Variants in CLDN16 observed in about 807,000 individuals in gnomAD.
CLDN16 encodes the protein claudin 16.
CLDN16 carries 13 observed loss-of-function variants against 24.6 expected under a neutral mutation model. The observed-to-expected ratio is 0.53, with a 90% CI of 0.34 to 0.84. The LOEUF (loss-of-function observed/expected upper bound fraction) is 0.84. Among genes scored for constraint, CLDN16 ranks in the 40% least tolerant of loss-of-function variants. CLDN16 has a pLI of 0.01. For synonymous variants in CLDN16, 116 were observed against 106.7 expected (o/e 1.09, Z -0.54); for missense variants, 298 against 292.7 (o/e 1.02, Z -0.13).
At chr3:190,388,156 T>C (rs755820991), upstream of CLDN16, 1 of 1,614,030 alleles carries the variant, frequency 6.2e-7, no homozygotes, top group Non-Finnish European at 8.5e-7. Context: ...TACAGCCTGT[T>C]TGTATTATTC....
chr3:190,305,403 G>A, the CLDN16 span, among the ~76,000 whole-genome samples: 1 of 152,154 alleles, frequency 6.6e-6, no homozygotes, highest in Non-Finnish European at 1.5e-5. Flanking sequence ...TTTGCACAGT[G>A]CTTTATAGTT....
At position 190,410,194 on chromosome 3, in the gene CLDN16, T is replaced by A. The variant is rs1453400955; in HGVS notation, c.*158T>A. On this transcript the variant is annotated 3_prime_UTR_variant, in exon 5 of 5. Transcript: ENST00000264734. ...ATGTTTGATTCTCCTATACTTTTTC[T>A]TTCTATTACTCTTATATTTTCCCGT... is the stretch of plus-strand genomic sequence containing the variant. 4.9e-6 allele frequency: 4 copies of A among 821,730 alleles called. No homozygotes were observed. The highest frequency in any genetic ancestry group is 8.0e-6 in the Non-Finnish European group (4 of 501,712). 50.9% of individuals were successfully genotyped at this position (821,730 alleles called of 1,614,324 possible).
chr3:190,331,142 A>G (rs1444406715), intron 1 of CLDN16, among the ~76,000 whole-genome samples: 4 of 152,224 alleles, frequency 2.6e-5, no homozygotes, highest in Non-Finnish European at 5.9e-5. Flanking sequence ...GGGTCAATAG[A>G]TGAGCATGAT....
intron 1 of CLDN16, among the ~76,000 whole-genome samples, chr3:190,356,431 T>G (rs994195279): frequency 7.2e-5 from 11 of 151,846 alleles, no homozygotes; most frequent in African/African-American, 2.7e-4. Context: ...AATCTGTAGA[T>G]TTTCAGACTA....
At chr3:190,291,241 C>T in the CLDN16 span, among the ~76,000 whole-genome samples, 5 of 152,152 alleles carry the variant, frequency 3.3e-5, no homozygotes, top group African/African-American at 2.4e-5. Context: ...ATCAGAGAAA[C>T]AAAAGGCCAT....
chr3:190,320,251 C>G (rs2108615269), upstream of CLDN16, among the ~76,000 whole-genome samples: 1 of 152,202 alleles, frequency 6.6e-6, no homozygotes, highest in East Asian at 1.9e-4. Context: ...TAAAAGAAAA[C>G]CTATTTAAAG....
At position 190,343,742 on chromosome 3, in the gene CLDN16, T is replaced by A. The variant is rs1717488328; in HGVS notation, n.121+21081T>A. Among the ~76,000 whole-genome samples, 4 of 151,916 alleles carry A rather than the reference T, an allele frequency of 2.6e-5. No homozygotes were observed. In the South Asian group the frequency reaches 8.3e-4, roughly 32 times the overall value. ...CACATGACTTCACTTATATATGGAA[T>A]CTTAAAAAAATGGCAGGGGAGTCAA... On this transcript the variant is annotated intron_variant and non_coding_transcript_variant, in intron 1 of 4. Coordinates refer to the CLDN16 transcript ENST00000468220.
At chr3:190,301,309 A>G in the CLDN16 span, among the ~76,000 whole-genome samples, 1 of 152,136 alleles carries the variant, frequency 6.6e-6, no homozygotes. Context: ...AGCCTGGCCA[A>G]CATGGTGAAT....
intron 1 of CLDN16, among the ~76,000 whole-genome samples, chr3:190,348,829 C>G (rs4687134): frequency 0.3 from 44,814 of 151,844 alleles, 7,178 homozygotes; most frequent in East Asian, 0.61. Flanking sequence ...CCTCCACCCT[C>G]CAAAAGACCC....
At chr3:190,308,027 T>C in the CLDN16 span, 7 of 436,646 alleles carry the variant, frequency 1.6e-5, no homozygotes, top group African/African-American at 1.4e-4. Flanking sequence ...TTGAGTATGA[T>C]TACTCAATGG....
At chr3:190,332,785 T>G (rs887263143) in intron 1 of CLDN16, among the ~76,000 whole-genome samples, 7 of 151,908 alleles carry the variant, frequency 4.6e-5, no homozygotes, top group African/African-American at 9.7e-5. Flanking sequence ...TTTTTTTTTT[T>G]TTGTTACAAG....
chr3:190,328,357 C>G (rs1228174312), intron 1 of CLDN16, among the ~76,000 whole-genome samples: 2 of 152,130 alleles, frequency 1.3e-5, no homozygotes, highest in Admixed American at 1.3e-4. Flanking sequence ...ACTACTTTCT[C>G]TCTCCATTAG....
chr3:190,354,206 G>A lies in CLDN16; in HGVS notation n.122-16687G>A, dbSNP rs987100266. Among the ~76,000 whole-genome samples, 3 of 151,756 alleles carry A rather than the reference G, an allele frequency of 2.0e-5. No homozygotes were observed. In the South Asian group the frequency reaches 6.2e-4, roughly 31 times the overall value. ...AATCATAGTTGCAGAGGCATTTTTT[G>A]GAGTATAATATTAACACTCAGAGGT... On this transcript the variant is annotated intron_variant and non_coding_transcript_variant, in intron 1 of 4. Coordinates refer to the CLDN16 transcript ENST00000468220.
chr3:190,302,779 A>AAAAAAT, the CLDN16 span, among the ~76,000 whole-genome samples: 123 of 140,190 alleles, frequency 8.8e-4, no homozygotes, highest in East Asian at 0.012. Context: ...CTCAAAAAAA[A>AAAAAAT]ATATATATAT....
chr3:190,341,040 G>A (rs1313758417), intron 1 of CLDN16, among the ~76,000 whole-genome samples: 2 of 152,202 alleles, frequency 1.3e-5, no homozygotes, highest in African/African-American at 2.4e-5. Flanking sequence ...GCTTTGCAGG[G>A]TAGAGCTTTT....
At chr3:190,318,975 G>T (rs1391468316), upstream of CLDN16, among the ~76,000 whole-genome samples, 1 of 152,086 alleles carries the variant, frequency 6.6e-6, no homozygotes, top group Non-Finnish European at 1.5e-5. Context: ...GAATCTCAGG[G>T]TTCGGTGAGA....
At chr3:190,337,685 C>T (rs1437448586) in intron 1 of CLDN16, among the ~76,000 whole-genome samples, 2 of 152,188 alleles carry the variant, frequency 1.3e-5, no homozygotes, top group African/African-American at 4.8e-5. Flanking sequence ...CTCATCCTGA[C>T]AAAAGCAACA....
intron 1 of CLDN16, among the ~76,000 whole-genome samples, chr3:190,393,802 G>A (rs1186419430): frequency 5.1e-4 from 72 of 140,096 alleles, no homozygotes; most frequent in Non-Finnish European, 1.5e-5. Flanking sequence ...CCAAGCTGGA[G>A]TGCAGTGGCA....
chr3:190,385,668 T>G (rs116674358), upstream of CLDN16, among the ~76,000 whole-genome samples: 201 of 152,270 alleles, frequency 1.3e-3, 1 homozygote, highest in African/African-American at 4.5e-3. Context: ...TTTTTGGTCT[T>G]TATTTCTTTC....
Sources: allele counts gnomAD v4.1 joint callset (sites outside exome capture counted in the v4.1 genomes callset), GRCh38; gene constraint gnomAD v4.1.1; transcripts MANE v1.5; gene names NCBI Gene and HGNC (gene_info 2026-07-23, HGNC 2026-07-21).